The following CCDC171 variants were observed in gnomAD, a reference collection of about 807,000 sequenced individuals.
CCDC171 encodes the protein coiled-coil domain containing 171, also known as coiled-coil domain-containing protein 171.
Under a neutral mutation model 168.2 loss-of-function variants are expected in CCDC171, and 177 were observed. That is an observed-to-expected ratio of 1.05 (90% confidence interval 0.93 to 1.19). The LOEUF (loss-of-function observed/expected upper bound fraction) is 1.19. CCDC171 is among the 50% of genes most tolerant of loss of function. The pLI, the probability that CCDC171 is intolerant of heterozygous loss-of-function variation, is 0.00. For synonymous variants in CCDC171, 687 were observed against 540.8 expected, an observed-to-expected ratio of 1.27 and a Z score of -3.75; for missense variants, 1,991 against 1,539.0, an observed-to-expected ratio of 1.29 and a Z score of -4.91.
intron 25 of CCDC171, chr9:15,922,180 A>G (rs1290862302): frequency 2.5e-6 from 1 of 404,646 alleles, no homozygotes; most frequent in Non-Finnish European, 5.1e-6. Context: ...AGAATGCGAA[A>G]CATTCCCCCA....
chr9:15,685,575 C>T (rs1179354258), intron 10 of CCDC171, among the ~76,000 whole-genome samples: 1 of 152,036 alleles, frequency 6.6e-6, no homozygotes, highest in Non-Finnish European at 1.5e-5. Context: ...GTTGAGGCTG[C>T]AGTGAGCCAT....
the CCDC171 span, among the ~76,000 whole-genome samples, chr9:16,098,403 T>C: frequency 1.3e-5 from 2 of 152,288 alleles, no homozygotes; most frequent in Admixed American, 6.5e-5. Context: ...TGGAAGAATA[T>C]GTGAATAAGA....
intron 18 of CCDC171, among the ~76,000 whole-genome samples, chr9:15,760,089 G>A (rs925713099): frequency 1.3e-5 from 2 of 152,106 alleles, no homozygotes; most frequent in Non-Finnish European, 2.9e-5. Flanking sequence ...TTTGTTATGA[G>A]GCAGAAGTAT....
At chr9:15,623,173 C>A in intron 6 of CCDC171, 94 bp from the exon 7 acceptor site, 1 of 809,130 alleles carries the variant, frequency 1.2e-6, no homozygotes, top group East Asian at 2.8e-5. Context: ...ATAGTTGAAG[C>A]ACAGATTTAG....
intron 9 of CCDC171, among the ~76,000 whole-genome samples, chr9:15,673,014 G>A (rs1056395912): frequency 6.6e-5 from 10 of 152,016 alleles, no homozygotes; most frequent in Non-Finnish European, 1.5e-4. Context: ...ATTTGTTTGT[G>A]TCCTCTTTTA....
intron 18 of CCDC171, among the ~76,000 whole-genome samples, chr9:15,763,990 A>G: frequency 6.6e-6 from 1 of 152,182 alleles, no homozygotes; most frequent in Non-Finnish European, 1.5e-5. Context: ...GAGCCATGCA[A>G]ATATCTGAGG....
At chr9:16,083,601 G>A in the CCDC171 span, among the ~76,000 whole-genome samples, 1 of 152,202 alleles carries the variant, frequency 6.6e-6, no homozygotes, top group Admixed American at 6.5e-5. Context: ...TGTTGTTAAG[G>A]GCTTTTTAGG....
the CCDC171 span, among the ~76,000 whole-genome samples, chr9:16,070,884 G>A: frequency 6.6e-6 from 1 of 152,320 alleles, no homozygotes; most frequent in Admixed American, 6.5e-5. Context: ...CTTTCCCGAT[G>A]CTTAGTTAGT....
At chr9:15,986,561 G>C (rs1426543101) in intron 3 of CCDC171, among the ~76,000 whole-genome samples, 1 of 152,120 alleles carries the variant, frequency 6.6e-6, no homozygotes, top group Non-Finnish European at 1.5e-5. Context: ...GAACTGTAAT[G>C]GGAAAGATTT....
At chr9:15,857,187 T>A (rs866653288) in intron 23 of CCDC171, among the ~76,000 whole-genome samples, 78 of 151,882 alleles carry the variant, frequency 5.1e-4, no homozygotes, top group African/African-American at 1.5e-3. Flanking sequence ...TTATGTTGAT[T>A]ATTATTATTA....
At chr9:16,095,867 CACATATAT>C in the CCDC171 span, among the ~76,000 whole-genome samples, 2 of 52,782 alleles carry the variant, frequency 3.8e-5, no homozygotes, top group African/African-American at 1.6e-4. Flanking sequence ...CACACATAGG[CACATATAT>C]ATATATATAT....
chr9:15,864,667 A>G (rs984775316), intron 23 of CCDC171, among the ~76,000 whole-genome samples: 1 of 152,072 alleles, frequency 6.6e-6, no homozygotes, highest in African/African-American at 2.4e-5. Flanking sequence ...TATTAAAATA[A>G]TTTCAGGATA....
chr9:15,991,642 G>C (rs771300008), intron 3 of CCDC171, among the ~76,000 whole-genome samples: 3 of 151,984 alleles, frequency 2.0e-5, no homozygotes, highest in African/African-American at 4.8e-5. Flanking sequence ...AATCCAGGAG[G>C]TGGTTTTTTG....
intron 21 of CCDC171, among the ~76,000 whole-genome samples, chr9:15,787,388 C>T (rs2058020914): frequency 6.6e-6 from 1 of 152,134 alleles, no homozygotes; most frequent in Non-Finnish European, 1.5e-5. Flanking sequence ...CTCACAGCTT[C>T]TGGTAATCAC....
At chr9:16,063,031 C>G (rs551554348), downstream of CCDC171, among the ~76,000 whole-genome samples, 78 of 152,200 alleles carry the variant, frequency 5.1e-4, no homozygotes, top group African/African-American at 1.8e-3. Flanking sequence ...TTGCATCACC[C>G]CCGTGTTACC....
chr9:15,569,193 C>T (rs1450091300), intron 2 of CCDC171, among the ~76,000 whole-genome samples: 2 of 152,120 alleles, frequency 1.3e-5, no homozygotes, highest in African/African-American at 2.4e-5. Flanking sequence ...CGCCTATTTC[C>T]ATGGATTTGT....
chr9:15,768,880 A>T (rs972388412), intron 18 of CCDC171, among the ~76,000 whole-genome samples: 2 of 152,208 alleles, frequency 1.3e-5, no homozygotes, highest in Non-Finnish European at 2.9e-5. Flanking sequence ...CAGTATCAGC[A>T]GCAATATTGT....
At chr9:15,841,468 A>T (rs927162251) in intron 21 of CCDC171, among the ~76,000 whole-genome samples, 34 of 151,986 alleles carry the variant, frequency 2.2e-4, no homozygotes, top group African/African-American at 8.0e-4. Flanking sequence ...AGTTCTAACT[A>T]AGACTGCCAT....
At chr9:15,996,472 A>T (rs776002392) in intron 3 of CCDC171, among the ~76,000 whole-genome samples, 2 of 107,074 alleles carry the variant, frequency 1.9e-5, no homozygotes, top group Non-Finnish European at 3.5e-5. Flanking sequence ...TAAACTGTGT[A>T]TTGTGCACCT....
Sources: allele counts gnomAD v4.1 joint callset (sites outside exome capture counted in the v4.1 genomes callset), GRCh38; gene constraint gnomAD v4.1.1; transcripts MANE v1.5; gene names NCBI Gene and HGNC (gene_info 2026-07-23, HGNC 2026-07-21).